TENM3: variants seen among roughly 807,000 people sequenced by gnomAD.
TENM3 encodes the protein teneurin transmembrane protein 3.
TENM3 carries 63 observed loss-of-function variants against 255.1 expected under a neutral mutation model. The ratio of observed to expected loss-of-function variants is 0.25; its 90% CI spans 0.20 to 0.30. The LOEUF (loss-of-function observed/expected upper bound fraction) is 0.30, where lower values mean the gene tolerates loss of function less well. Among genes scored for constraint, TENM3 ranks in the 10% least tolerant of loss-of-function variants. The probability of loss-of-function intolerance (pLI) is 1.00; values close to 1 mark genes in which losing one functional copy is unlikely to be tolerated. For synonymous variants in TENM3, 1,306 were observed against 1,322.3 expected, an observed-to-expected ratio of 0.99 and a Z score of 0.27; for missense variants, 2,929 against 3,461.1, an observed-to-expected ratio of 0.85 and a Z score of 3.86.
chr4:182,030,052 TTTGTTGTTGTTG>T, the TENM3 span, among the ~76,000 whole-genome samples: 2 of 134,756 alleles, frequency 1.5e-5, no homozygotes, highest in African/African-American at 5.7e-5. Context: ...TCAATGCATC[TTTGTTGTTGTTG>T]TTGTTGTTGT....
intron 12 of TENM3, among the ~76,000 whole-genome samples, chr4:182,699,921 A>G (rs1757719246): frequency 1.3e-5 from 2 of 152,144 alleles, no homozygotes; most frequent in African/African-American, 4.8e-5. Flanking sequence ...CAATTTAACC[A>G]GAAATAAAGA....
At chr4:182,596,492 T>G (rs185420499) in intron 3 of TENM3, among the ~76,000 whole-genome samples, 33 of 152,250 alleles carry the variant, frequency 2.2e-4, no homozygotes, top group Admixed American at 1.9e-3. Flanking sequence ...AGATCAATGA[T>G]TTTTACCTGG....
intron 1 of TENM3, among the ~76,000 whole-genome samples, chr4:182,188,372 C>A (rs921126439): frequency 6.6e-6 from 1 of 152,014 alleles, no homozygotes; most frequent in African/African-American, 2.4e-5. Flanking sequence ...CTTGAGCATC[C>A]AAGTCATCTT....
chr4:182,183,478 G>A (rs549084477), intron 1 of TENM3, among the ~76,000 whole-genome samples: 2 of 152,258 alleles, frequency 1.3e-5, no homozygotes, highest in Admixed American at 6.5e-5. Flanking sequence ...GCGGAACCAA[G>A]GACTACTTTG....
intron 1 of TENM3, among the ~76,000 whole-genome samples, chr4:182,171,288 A>G (rs909885317): frequency 1.3e-5 from 2 of 152,180 alleles, no homozygotes; most frequent in Non-Finnish European, 2.9e-5. Flanking sequence ...TAATTAGTCT[A>G]TGAGCCCAAG....
the TENM3 span, among the ~76,000 whole-genome samples, chr4:182,137,333 TC>T: frequency 0.45 from 44,716 of 100,484 alleles, 7,485 homozygotes; most frequent in East Asian, 0.61. Flanking sequence ...CTCTGCCACC[TC>T]CCCCCCCCCA....
chr4:181,746,782 G>A, the TENM3 span, among the ~76,000 whole-genome samples: 1 of 150,294 alleles, frequency 6.7e-6, no homozygotes, highest in South Asian at 2.1e-4. Flanking sequence ...ATACTAAAAT[G>A]TTTACATTGT....
At chr4:181,956,418 G>T in the TENM3 span, among the ~76,000 whole-genome samples, 1 of 152,140 alleles carries the variant, frequency 6.6e-6, no homozygotes, top group Non-Finnish European at 1.5e-5. Context: ...ACCTCTCATG[G>T]TATGAGTATC....
chr4:181,824,270 T>C, the TENM3 span, among the ~76,000 whole-genome samples: 1 of 49,784 alleles, frequency 2.0e-5, no homozygotes, highest in Non-Finnish European at 4.2e-5. Context: ...CCTGGCTAAT[T>C]TTTTTTTTTT....
At chr4:182,343,610 C>T (rs1764615661) in intron 2 of TENM3, among the ~76,000 whole-genome samples, 1 of 152,058 alleles carries the variant, frequency 6.6e-6, no homozygotes, top group Admixed American at 6.5e-5. Flanking sequence ...AAAGCCCTCC[C>T]CACTACTACA....
chr4:182,175,317 A>T (rs1448392432), intron 1 of TENM3, among the ~76,000 whole-genome samples: 1 of 57,338 alleles, frequency 1.7e-5, no homozygotes, highest in Non-Finnish European at 4.2e-5. Flanking sequence ...AAAAAAAAAT[A>T]TATATATATA....
chr4:181,554,954 A>T, the TENM3 span, among the ~76,000 whole-genome samples: 1 of 152,350 alleles, frequency 6.6e-6, no homozygotes, highest in South Asian at 2.1e-4. Context: ...GCGTCTCTGC[A>T]CTTAGCCAGA....
chr4:182,287,683 G>A (rs964309329), intron 1 of TENM3, among the ~76,000 whole-genome samples: 8 of 151,710 alleles, frequency 5.3e-5, no homozygotes, highest in African/African-American at 1.7e-4. Flanking sequence ...GCGCGATCTC[G>A]GCTCATTGCA....
the TENM3 span, among the ~76,000 whole-genome samples, chr4:181,828,157 A>C: frequency 6.6e-6 from 1 of 152,186 alleles, no homozygotes; most frequent in African/African-American, 2.4e-5. Flanking sequence ...CCCTGGCTCC[A>C]GGAGGGGAAG....
the TENM3 span, among the ~76,000 whole-genome samples, chr4:181,794,666 C>CTGTGTGTGTGTGTGTG: frequency 8.7e-4 from 124 of 142,996 alleles, 1 homozygote; most frequent in South Asian, 3.1e-3. Context: ...AATAATATCC[C>CTGTGTGTGTGTGTGTG]TGTGTGTGTG....
At chr4:181,710,488 C>A in the TENM3 span, among the ~76,000 whole-genome samples, 2 of 151,880 alleles carry the variant, frequency 1.3e-5, no homozygotes, top group Non-Finnish European at 2.9e-5. Flanking sequence ...GAGGCTGAGG[C>A]GGGCGGATCA....
chr4:182,698,937 A>G (rs1204421863), intron 12 of TENM3, among the ~76,000 whole-genome samples: 2 of 152,202 alleles, frequency 1.3e-5, no homozygotes, highest in Non-Finnish European at 2.9e-5. Flanking sequence ...GAGTGTAAAT[A>G]ATTGCTTGGT....
chr4:182,201,609 G>A (rs72696042), intron 1 of TENM3, among the ~76,000 whole-genome samples: 26,577 of 151,832 alleles, frequency 0.18, 3,138 homozygotes, highest in East Asian at 0.41. Flanking sequence ...ATCCAGGGGT[G>A]GGGGCAGCGG....
At chr4:181,544,426 A>AC in the TENM3 span, among the ~76,000 whole-genome samples, 1 of 146,994 alleles carries the variant, frequency 6.8e-6, no homozygotes, top group African/African-American at 2.6e-5. Context: ...AAAAAAAAAA[A>AC]AAAAAAAAAA....
Sources: allele counts gnomAD v4.1 joint callset (sites outside exome capture counted in the v4.1 genomes callset), GRCh38; gene constraint gnomAD v4.1.1; transcripts MANE v1.5; gene names NCBI Gene and HGNC (gene_info 2026-07-23, HGNC 2026-07-21).